The following HLCS variants were observed in gnomAD, a reference collection of about 807,000 sequenced individuals.
The protein encoded by HLCS is biotin--protein ligase.
In HLCS, 53 loss-of-function variants were observed where a neutral mutation model predicts 75.0. That is an observed-to-expected ratio of 0.71 (90% confidence interval 0.57 to 0.89). HLCS has a LOEUF of 0.89. HLCS is among the 40% of genes least tolerant of loss of function. The pLI is 0.00. For synonymous variants in HLCS, 431 were observed against 428.6 expected, an observed-to-expected ratio of 1.01 and a Z score of -0.07; for missense variants, 966 against 1,074.0, an observed-to-expected ratio of 0.90 and a Z score of 1.41.
At chr21:36,923,430 T>C (rs563595009) in intron 5 of HLCS, among the ~76,000 whole-genome samples, 1 of 152,328 alleles carries the variant, frequency 6.6e-6, no homozygotes, top group Non-Finnish European at 1.5e-5. Flanking sequence ...TTAGACGGGA[T>C]GCTATCCCAA....
chr21:36,859,164 AG>A (rs1357103539), intron 6 of HLCS, among the ~76,000 whole-genome samples: 1 of 152,200 alleles, frequency 6.6e-6, no homozygotes, highest in African/African-American at 2.4e-5. Context: ...CTGGGATTAC[AG>A]GCGTGTGCCA....
intron 8 of HLCS, among the ~76,000 whole-genome samples, chr21:36,760,960 G>A (rs2089817124): frequency 6.6e-6 from 1 of 152,268 alleles, no homozygotes; most frequent in African/African-American, 2.4e-5. Context: ...TGTGGGTAAA[G>A]GAAGCCTGTC....
intron 6 of HLCS, among the ~76,000 whole-genome samples, chr21:36,770,436 C>G (rs1239095629): frequency 6.6e-6 from 1 of 152,038 alleles, no homozygotes; most frequent in South Asian, 2.1e-4. Context: ...TGTAAGCCAC[C>G]ACGCCTGGCC....
chr21:36,941,090 T>C (rs1442582358), intron 2 of HLCS, among the ~76,000 whole-genome samples: 1 of 152,198 alleles, frequency 6.6e-6, no homozygotes, highest in Non-Finnish European at 1.5e-5. Context: ...TGGGTGCCTA[T>C]AATCCCAGCT....
intron 5 of HLCS, among the ~76,000 whole-genome samples, chr21:36,911,836 C>T (rs1206429089): frequency 1.3e-5 from 2 of 150,908 alleles, no homozygotes; most frequent in South Asian, 2.1e-4. Flanking sequence ...TGGGAGGGGC[C>T]GAGGTGGGTG....
chr21:36,909,105 C>G (rs1344038396), intron 5 of HLCS, among the ~76,000 whole-genome samples: 1 of 151,990 alleles, frequency 6.6e-6, no homozygotes, highest in Non-Finnish European at 1.5e-5. Flanking sequence ...ACTGAGGCAG[C>G]AGAATGGCAT....
chr21:36,962,771 G>C (rs1174396684), intron 1 of HLCS, among the ~76,000 whole-genome samples: 1 of 135,100 alleles, frequency 7.4e-6, no homozygotes, highest in Non-Finnish European at 1.5e-5. Flanking sequence ...CCAGCCTTGG[G>C]TGACAGAGTG....
intron 1 of HLCS, among the ~76,000 whole-genome samples, chr21:36,985,653 G>A (rs761809407): frequency 6.6e-5 from 10 of 151,966 alleles, no homozygotes; most frequent in Non-Finnish European, 1.2e-4. Flanking sequence ...GTAGTCCCAG[G>A]TACTCAGGAG....
Position 36,756,549 on chromosome 21 carries a change from C to G in HLCS, c.2443G>C (p.Val815Leu). 5.6e-6 allele frequency: 9 copies of G among 1,611,518 alleles called. No individual in the cohort carries two copies. Among genetic ancestry groups the G allele is most frequent in the Non-Finnish European group, 7.6e-6 (9 of 1,178,572 alleles). Residue 815 changes from valine to leucine, a missense_variant, in exon 10 of 11, where the codon GTC becomes CTC. Coordinates refer to ENST00000674895, the MANE Select transcript of HLCS (RefSeq NM_001352514.2). ...AGATGAGCCAGCACTGACCTGTGGA[C>G]CCAGTATCGGTAATAAAGGGGAAGG... The part of the protein sequence containing the change: ...SVLPLYYRYW[V>L]HSGQQVHLGS...
At chr21:36,822,129 G>A (rs1338411744) in intron 6 of HLCS, among the ~76,000 whole-genome samples, 3 of 152,150 alleles carry the variant, frequency 2.0e-5, no homozygotes, top group African/African-American at 7.2e-5. Flanking sequence ...GGTGACAAAA[G>A]GTCACTCCTC....
intron 6 of HLCS, among the ~76,000 whole-genome samples, chr21:36,770,369 A>G (rs1446420291): frequency 6.7e-6 from 1 of 150,076 alleles, no homozygotes; most frequent in Non-Finnish European, 1.5e-5. Flanking sequence ...CTGGTCTTGA[A>G]CTCCTGGCCT....
rs527649446 is a variant in HLCS, at chr21:36,948,152, A to C, written c.331-9158T>G. The stretch of plus-strand genomic sequence containing the variant: ...CTAAAAATACAAAAATTAGCCGGGC[A>C]TGGTAGCGTGCACCTGTAGTCCCAG... On this transcript the variant is annotated intron_variant, in intron 2 of 10. Transcript: ENST00000674895. The C allele has an allele frequency of 1.3e-4, 22 of 169,004 alleles. No homozygotes were observed. In the Middle Eastern group the frequency reaches 8.8e-3, roughly 67 times the overall value. 10.5% of individuals were successfully genotyped at this position (169,004 alleles called of 1,614,324 possible). A position where few individuals can be genotyped will look rare whatever the true frequency, so the allele number is the denominator to read the frequency against.
intron 1 of HLCS, among the ~76,000 whole-genome samples, chr21:36,966,043 A>G (rs2068555046): frequency 6.6e-6 from 1 of 152,178 alleles, no homozygotes; most frequent in Non-Finnish European, 1.5e-5. Context: ...TACAGGCATA[A>G]GCCACCGCTC....
At chr21:36,887,239 C>A (rs897210381) in intron 6 of HLCS, among the ~76,000 whole-genome samples, 3 of 152,104 alleles carry the variant, frequency 2.0e-5, no homozygotes, top group Non-Finnish European at 4.4e-5. Flanking sequence ...AAACAAATTT[C>A]TGTTGTTTAT....
At chr21:36,849,031 CT>C (rs761944960) in intron 6 of HLCS, among the ~76,000 whole-genome samples, 1 of 152,142 alleles carries the variant, frequency 6.6e-6, no homozygotes, top group Non-Finnish European at 1.5e-5. Flanking sequence ...ATAAAATCCC[CT>C]GTGAAGACAA....
At chr21:36,917,928 T>C (rs2066001106) in intron 5 of HLCS, among the ~76,000 whole-genome samples, 1 of 149,746 alleles carries the variant, frequency 6.7e-6, no homozygotes, top group Non-Finnish European at 1.5e-5. Flanking sequence ...CACCAAGTCA[T>C]TGGATGATCT....
rs2089327050 is a variant in HLCS at position 36,750,303 on chromosome 21, C to G, written c.*3943G>C. ...AGATCAAATGGATTTGAGAAATAAG[C>G]CCAATTCAAGGCTGGCTCAGCCCTC... On this transcript the variant is annotated 3_prime_UTR_variant, in exon 11 of 11. Coordinates refer to ENST00000674895, the MANE Select transcript of HLCS (RefSeq NM_001352514.2). 6.6e-6 allele frequency among the ~76,000 whole-genome samples: 1 copy of G among 152,202 alleles called. No homozygotes were observed. Among genetic ancestry groups the G allele is most frequent in the Admixed American group, 6.5e-5 (1 of 15,284 alleles).
intron 6 of HLCS, among the ~76,000 whole-genome samples, chr21:36,838,356 A>G (rs1162509223): frequency 6.6e-6 from 1 of 151,670 alleles, no homozygotes; most frequent in Non-Finnish European, 1.5e-5. Flanking sequence ...TAGTACCCAC[A>G]TTCTGTAAAT....
chr21:36,887,097 T>G (rs931865595), intron 6 of HLCS, among the ~76,000 whole-genome samples: 1 of 148,434 alleles, frequency 6.7e-6, no homozygotes, highest in African/African-American at 2.5e-5. Context: ...GCCACTGCAC[T>G]CCAGCCTGGG....
Sources: allele counts gnomAD v4.1 joint callset (sites outside exome capture counted in the v4.1 genomes callset), GRCh38; gene constraint gnomAD v4.1.1; transcripts MANE v1.5; gene names NCBI Gene and HGNC (gene_info 2026-07-23, HGNC 2026-07-21).